AEBP2: variants seen among roughly 807,000 people sequenced by gnomAD.
The protein encoded by AEBP2 is zinc finger protein AEBP2.
Under a neutral mutation model 50.8 loss-of-function variants are expected in AEBP2, and 10 were observed. That is an observed-to-expected ratio of 0.20 (90% CI 0.12 to 0.33). The LOEUF is 0.33. Ranked by LOEUF, AEBP2 falls within the 10% of genes least tolerant of loss-of-function variation. AEBP2 has a pLI of 1.00. For missense variants in AEBP2, 570 were observed against 688.0 expected, an observed-to-expected ratio of 0.83 and a Z score of 1.92; for synonymous variants, 296 against 261.3, an observed-to-expected ratio of 1.13 and a Z score of -1.28.
chr12:19,427,073 C>T (rs1312663327), intron 1 of AEBP2, among the ~76,000 whole-genome samples: 1 of 152,000 alleles, frequency 6.6e-6, no homozygotes, highest in Non-Finnish European at 1.5e-5. Context: ...ACTGAGGATT[C>T]GATAGAATAA....
At chr12:19,425,701 G>A (rs2095748182) in intron 1 of AEBP2, among the ~76,000 whole-genome samples, 1 of 151,016 alleles carries the variant, frequency 6.6e-6, no homozygotes, top group South Asian at 2.1e-4. Context: ...TGACCTGGGA[G>A]GTGTAGGCTG....
intron 3 of AEBP2, among the ~76,000 whole-genome samples, chr12:19,489,418 G>A (rs1326030901): frequency 1.3e-5 from 2 of 152,172 alleles, no homozygotes; most frequent in African/African-American, 2.4e-5. Context: ...AACCGCCCCC[G>A]CCATGATCCA....
chr12:19,414,639 C>A (rs1162803734), intron 1 of AEBP2, among the ~76,000 whole-genome samples: 1 of 152,148 alleles, frequency 6.6e-6, no homozygotes, highest in African/African-American at 2.4e-5. Flanking sequence ...CTAGTCCCAG[C>A]TTTATCTGAA....
At chr12:19,473,641 G>C (rs1948604857) in intron 3 of AEBP2, among the ~76,000 whole-genome samples, 1 of 152,050 alleles carries the variant, frequency 6.6e-6, no homozygotes, top group South Asian at 2.1e-4. Flanking sequence ...CTTGACCTCA[G>C]GTGATTCTCC....
chr12:19,404,952 T>C (rs1426734336), intron 1 of AEBP2, among the ~76,000 whole-genome samples: 4 of 149,052 alleles, frequency 2.7e-5, no homozygotes, highest in South Asian at 4.3e-4. Context: ...TTTTTTTTTT[T>C]CAGACAAGGT....
intron 3 of AEBP2, among the ~76,000 whole-genome samples, chr12:19,483,889 A>G (rs1948767277): frequency 6.6e-6 from 1 of 152,214 alleles, no homozygotes; most frequent in East Asian, 1.9e-4. Flanking sequence ...TGGGTGGATC[A>G]AAGGTTAATG....
intron 2 of AEBP2, chr12:19,466,684 A>G: frequency 1.9e-6 from 1 of 520,892 alleles, no homozygotes; most frequent in Non-Finnish European, 2.5e-6. Context: ...TATAAGTAGA[A>G]AACACCTGAT....
intron 1 of AEBP2, among the ~76,000 whole-genome samples, chr12:19,427,766 T>C (rs2095749305): frequency 6.6e-6 from 1 of 151,934 alleles, no homozygotes; most frequent in Non-Finnish European, 1.5e-5. Flanking sequence ...AAGGAAACAA[T>C]AGGCAAGGAC....
chr12:19,510,563 C>A (rs570872220), intron 5 of AEBP2, among the ~76,000 whole-genome samples: 1 of 152,128 alleles, frequency 6.6e-6, no homozygotes, highest in South Asian at 2.1e-4. Flanking sequence ...AAAAATGAAG[C>A]GTACGTAACT....
At position 19,522,182 on chromosome 12, in the gene AEBP2, C is replaced by T. The variant is rs569035401; in HGVS notation, c.*4065C>T. 6.6e-6 allele frequency: 1 copy of T among 151,932 alleles called. No homozygotes were observed. The highest frequency in any genetic ancestry group is 2.1e-4 in the South Asian group (1 of 4,818). 9.4% of individuals were successfully genotyped at this position (151,932 alleles called of 1,614,324 possible). A position where few individuals can be genotyped will look rare whatever the true frequency, so the allele number is the denominator to read the frequency against. Reference sequence around the variant, plus strand: ...AAGGGAAGAAATTGTTAGAAAATTTCCTGTGTACGTAGTTTGTTTTTAAAT... The same window carrying T: ...AAGGGAAGAAATTGTTAGAAAATTTTCTGTGTACGTAGTTTGTTTTTAAAT... On this transcript the variant is annotated 3_prime_UTR_variant, in exon 8 of 8. Transcript: ENST00000266508.
chr12:19,488,590 T>C (rs73339336), intron 3 of AEBP2, among the ~76,000 whole-genome samples: 4,056 of 152,264 alleles, frequency 0.027, 58 homozygotes, highest in East Asian at 0.044. Flanking sequence ...TCCTCATTAT[T>C]TGTAAGACTG....
chr12:19,514,515 T>A (rs1949290202), intron 6 of AEBP2, among the ~76,000 whole-genome samples, 156 bp from the exon 7 acceptor site: 1 of 152,236 alleles, frequency 6.6e-6, no homozygotes, highest in Admixed American at 6.5e-5. Flanking sequence ...AGTCCTGCTA[T>A]TAAGGTTGAT....
At position 19,459,072 on chromosome 12, in the gene AEBP2, G is replaced by T. The variant is rs373550245; in HGVS notation, c.672-3438G>T. ...ATTGTTTATAAATTGGTTATGATTG[G>T]TTGTTCACTTAGAATTATTAGTATT... On this transcript the variant is annotated intron_variant, in intron 1 of 7. Coordinates refer to ENST00000266508, the MANE Select transcript of AEBP2 (RefSeq NM_153207.5). 1.0e-3 allele frequency among the ~76,000 whole-genome samples: 155 copies of T among 152,210 alleles called. 1 individual carries two copies. Among genetic ancestry groups the T allele is most frequent in the African/African-American group, 3.6e-3 (149 of 41,518 alleles).
intron 1 of AEBP2, among the ~76,000 whole-genome samples, chr12:19,417,177 C>T (rs1050359531): frequency 1.3e-5 from 2 of 151,518 alleles, no homozygotes; most frequent in Non-Finnish European, 2.9e-5. Flanking sequence ...CGGCCCCTAT[C>T]CTTTCAAGAT....
chr12:19,481,880 T>C (rs959866976), intron 3 of AEBP2, among the ~76,000 whole-genome samples: 7 of 152,242 alleles, frequency 4.6e-5, no homozygotes, highest in African/African-American at 1.7e-4. Flanking sequence ...TTCATCCGTA[T>C]CCTGTATTGT....
Position 19,463,983 on chromosome 12 carries a change from A to G in AEBP2, c.879+1266A>G, listed in dbSNP as rs547628950. ...GTGTGACCGAAATTTCTTTTAAGAC[A>G]TATTCATCCCTGTCACAATATATTA... On this transcript the variant is annotated intron_variant, in intron 2 of 7. Coordinates refer to ENST00000266508, the MANE Select transcript of AEBP2 (RefSeq NM_153207.5). Among the ~76,000 whole-genome samples, 4 of 152,232 alleles carry G rather than the reference A, an allele frequency of 2.6e-5. No homozygotes were observed. In the East Asian group the frequency reaches 5.8e-4, roughly 22 times the overall value.
At chr12:19,513,769 G>A (rs1210644189) in intron 6 of AEBP2, among the ~76,000 whole-genome samples, 1 of 151,920 alleles carries the variant, frequency 6.6e-6, no homozygotes. Context: ...GTTCAAAAAA[G>A]TCAAATTCAA....
intron 2 of AEBP2, among the ~76,000 whole-genome samples, chr12:19,466,366 G>T (rs763910548): frequency 4.7e-4 from 71 of 152,216 alleles, no homozygotes; most frequent in Non-Finnish European, 8.7e-4. Context: ...TGAGGTGGGA[G>T]AATTGCTTGA....
chr12:19,451,268 G>C (rs1347725542), intron 1 of AEBP2, among the ~76,000 whole-genome samples: 2 of 152,176 alleles, frequency 1.3e-5, no homozygotes, highest in African/African-American at 2.4e-5. Flanking sequence ...CGTGGAAGCA[G>C]CTTAAAGACT....
Sources: gnomAD v4.1 joint callset for allele counts (sites outside exome capture counted in the v4.1 genomes callset) on GRCh38, gnomAD v4.1.1 for gene constraint, MANE v1.5 for transcripts, NCBI Gene and HGNC (gene_info 2026-07-23, HGNC 2026-07-21) for gene names.